Variants in SUPT3H observed in about 807,000 individuals in gnomAD.
SUPT3H encodes the protein transcription initiation protein SPT3 homolog.
A neutral mutation model predicts 44.3 loss-of-function variants in SUPT3H; 44 were observed. That is an observed-to-expected ratio of 0.99 (90% CI 0.78 to 1.28). SUPT3H has a LOEUF of 1.28. SUPT3H is among the 50% of genes most tolerant of loss of function. The pLI, the probability that SUPT3H is intolerant of heterozygous loss-of-function variation, is 0.00. For synonymous variants in SUPT3H, 124 were observed against 125.6 expected (o/e 0.99, Z 0.09); for missense variants, 380 against 387.1 (o/e 0.98, Z 0.15).
intron 2 of SUPT3H, among the ~76,000 whole-genome samples, chr6:45,119,220 G>A (rs569199591): frequency 6.6e-6 from 1 of 152,248 alleles, no homozygotes; most frequent in Non-Finnish European, 1.5e-5. Context: ...CCTCCTCATA[G>A]TATAGTTACA....
At chr6:45,202,743 A>G (rs913004864) in intron 2 of SUPT3H, among the ~76,000 whole-genome samples, 1 of 152,138 alleles carries the variant, frequency 6.6e-6, no homozygotes, top group East Asian at 1.9e-4. Flanking sequence ...AATATTATAA[A>G]TCTGACATTT....
intron 2 of SUPT3H, among the ~76,000 whole-genome samples, chr6:45,156,152 C>A (rs12662272): frequency 0.11 from 17,113 of 152,142 alleles, 1,376 homozygotes; most frequent in East Asian, 0.26. Context: ...CCAAGCTACA[C>A]GATGCTTAAA....
intron 6 of SUPT3H, among the ~76,000 whole-genome samples, chr6:44,994,827 T>C (rs149107310): frequency 6.6e-6 from 1 of 152,212 alleles, no homozygotes; most frequent in East Asian, 1.9e-4. Flanking sequence ...CAATGTACAT[T>C]GTGAACTTCA....
intron 2 of SUPT3H, among the ~76,000 whole-genome samples, chr6:45,157,165 T>C (rs887716511): frequency 4.6e-5 from 7 of 152,158 alleles, no homozygotes; most frequent in Non-Finnish European, 1.0e-4. Context: ...TATGTTTATA[T>C]ACAACATCGT....
chr6:44,954,471 G>C, intron 8 of SUPT3H, 24 bp downstream of exon 8: 1 of 1,545,198 alleles, frequency 6.5e-7, no homozygotes, highest in Non-Finnish European at 9.0e-7. Flanking sequence ...AGTGTGGCCC[G>C]ATATGACAGA....
chr6:45,139,788 G>A (rs1019235755), intron 2 of SUPT3H, among the ~76,000 whole-genome samples: 2 of 152,166 alleles, frequency 1.3e-5, no homozygotes, highest in Admixed American at 6.5e-5. Context: ...ATATCTCACA[G>A]GGGCCCTTAG....
chr6:45,046,050 G>A (rs990112481), intron 3 of SUPT3H, among the ~76,000 whole-genome samples: 9 of 152,046 alleles, frequency 5.9e-5, no homozygotes, highest in Middle Eastern at 3.2e-3. Context: ...TTAAGGTGAA[G>A]GTTTTCTCCT....
intron 2 of SUPT3H, among the ~76,000 whole-genome samples, chr6:45,267,090 T>C (rs1245089289): frequency 1.3e-5 from 2 of 152,168 alleles, no homozygotes; most frequent in South Asian, 2.1e-4. Flanking sequence ...TCAAGGTATC[T>C]CATTATATAT....
intron 2 of SUPT3H, among the ~76,000 whole-genome samples, chr6:45,268,253 T>A (rs188230693): frequency 4.6e-5 from 7 of 152,140 alleles, no homozygotes; most frequent in African/African-American, 1.4e-4. Flanking sequence ...TTCACACTTT[T>A]AGAAATTAAA....
intron 10 of SUPT3H, among the ~76,000 whole-genome samples, chr6:44,886,616 AGC>A (rs2153437843): frequency 6.6e-6 from 1 of 152,278 alleles, no homozygotes; most frequent in South Asian, 2.1e-4. Flanking sequence ...TCCTGAAGGA[AGC>A]ACTAAACATG....
intron 11 of SUPT3H, among the ~76,000 whole-genome samples, chr6:44,816,452 T>C (rs1465220021): frequency 6.6e-6 from 1 of 152,194 alleles, no homozygotes; most frequent in Admixed American, 6.5e-5. Context: ...GATAACCTTA[T>C]ATCTATCTAA....
chr6:45,177,016 C>A (rs1254487451), intron 2 of SUPT3H, among the ~76,000 whole-genome samples: 1 of 152,196 alleles, frequency 6.6e-6, no homozygotes, highest in Admixed American at 6.5e-5. Flanking sequence ...GAGTGCCTCT[C>A]CTCCTCCAAA....
At chr6:45,238,154 A>C (rs546248281) in intron 2 of SUPT3H, among the ~76,000 whole-genome samples, 1 of 152,322 alleles carries the variant, frequency 6.6e-6, no homozygotes, top group South Asian at 2.1e-4. Context: ...TTAGTGTTAC[A>C]TTATTCAGTA....
chr6:44,870,134 T>C (rs1382159567), intron 10 of SUPT3H, among the ~76,000 whole-genome samples: 1 of 152,204 alleles, frequency 6.6e-6, no homozygotes, highest in Non-Finnish European at 1.5e-5. Flanking sequence ...TTAACTTTGA[T>C]CTGGCAAATA....
At chr6:45,128,010 T>C (rs1370830404) in intron 2 of SUPT3H, among the ~76,000 whole-genome samples, 1 of 152,178 alleles carries the variant, frequency 6.6e-6, no homozygotes, top group Non-Finnish European at 1.5e-5. Context: ...CTGTTTCTTC[T>C]TGACAGACTT....
chr6:45,082,603 C>T (rs143436794), intron 3 of SUPT3H, among the ~76,000 whole-genome samples: 41 of 152,194 alleles, frequency 2.7e-4, no homozygotes, highest in East Asian at 9.6e-4. Flanking sequence ...CATTCTTTCA[C>T]GATAAAAGCC....
rs961566556 is a variant in SUPT3H, at chr6:45,095,574, A to G, written c.186+10348T>C. On this transcript the variant is annotated intron_variant, in intron 3 of 10. Coordinates refer to ENST00000371459, the MANE Select transcript of SUPT3H (RefSeq NM_003599.4). This position sits in a 1 kb window ranked among gnomAD's most constrained non-coding sequence, Gnocchi z 4.1. Reference sequence around the variant, plus strand: ...ATAAATTGGTTCTGATGTGAAAACTAGTGTAACCAACTACACAGCTTACTA... The same window carrying G: ...ATAAATTGGTTCTGATGTGAAAACTGGTGTAACCAACTACACAGCTTACTA... 7.2e-5 allele frequency among the ~76,000 whole-genome samples: 11 copies of G among 152,178 alleles called. No individual in the cohort carries two copies. Among genetic ancestry groups the G allele is most frequent in the African/African-American group, 2.4e-4 (10 of 41,460 alleles).
In SUPT3H at chr6:45,018,523, T is replaced by C. The variant is rs1408418842; in HGVS notation, c.273+2023A>G. On this transcript the variant is annotated intron_variant, in intron 4 of 10. Transcript: ENST00000371459. ...CTTATTATTTTGAGATATGTCCCAT[T>C]AATACCTAATTTATTGAGCGTTTTT... Among the ~76,000 whole-genome samples, 6 of 152,184 alleles carry C rather than the reference T, an allele frequency of 3.9e-5. No individual in the cohort carries two copies. The South Asian group carries it at 6.2e-4, about 16-fold the overall frequency.
At chr6:45,290,138 C>A (rs1384676786) in intron 2 of SUPT3H, among the ~76,000 whole-genome samples, 5 of 152,014 alleles carry the variant, frequency 3.3e-5, no homozygotes, top group Non-Finnish European at 5.9e-5. Context: ...CATGATCATG[C>A]CACTGCACTC....
Sources: allele counts gnomAD v4.1 joint callset (sites outside exome capture counted in the v4.1 genomes callset), GRCh38; gene constraint gnomAD v4.1.1; non-coding constraint Gnocchi (gnomAD v3.1); transcripts MANE v1.5; gene names NCBI Gene and HGNC (gene_info 2026-07-23, HGNC 2026-07-21).